CACNA1C: variants seen among roughly 807,000 people sequenced by gnomAD.
CACNA1C encodes the protein calcium voltage-gated channel subunit alpha1 C.
CACNA1C carries 30 observed loss-of-function variants against 229.0 expected under a neutral mutation model. The ratio of observed to expected loss-of-function variants is 0.13; its 90% CI spans 0.10 to 0.18. CACNA1C has a LOEUF of 0.18. Ranked by LOEUF, CACNA1C falls within the 10% of genes least tolerant of loss-of-function variation. The pLI, the probability that CACNA1C is intolerant of heterozygous loss-of-function variation, is 1.00. For synonymous variants in CACNA1C, 1,114 were observed against 1,132.5 expected (o/e 0.98, Z 0.33); for missense variants, 1,658 against 2,845.0 (o/e 0.58, Z 9.49).
Position 2,108,030 on chromosome 12 carries a change from A to T in CACNA1C, c.50-7194A>T, listed in dbSNP as rs1268067659. ...TTGTCAGACGTGCTAGCTACATTTC[A>T]GGTGCTCAGGAGCTGCGTATGACTG... is the stretch of plus-strand genomic sequence containing the variant. On this transcript the variant is annotated intron_variant, in intron 1 of 46. Transcript: ENST00000399655. The surrounding 1 kb of genome is among the most constrained non-coding windows in gnomAD (Gnocchi z 5.3). 6.6e-6 allele frequency among the ~76,000 whole-genome samples: 1 copy of T among 152,252 alleles called. No homozygotes were observed. The highest frequency in any genetic ancestry group is 1.5e-5 in the Non-Finnish European group (1 of 68,044).
intron 3 of CACNA1C, among the ~76,000 whole-genome samples, chr12:2,408,116 A>G (rs1432496672): frequency 1.3e-5 from 2 of 152,222 alleles, no homozygotes; most frequent in African/African-American, 4.8e-5. Flanking sequence ...TGAAAACATT[A>G]TGCTAAGTAA....
chr12:2,186,542 G>A (rs1191979358), intron 3 of CACNA1C, among the ~76,000 whole-genome samples: 1 of 152,158 alleles, frequency 6.6e-6, no homozygotes, highest in Non-Finnish European at 1.5e-5. Context: ...TAAAAACCCT[G>A]GGGGTCAGGG....
Position 2,141,164 on chromosome 12 carries a change from G to A in CACNA1C, c.477+20734G>A, listed in dbSNP as rs2094140598. Among the ~76,000 whole-genome samples, 2 of 151,096 alleles carry A rather than the reference G, an allele frequency of 1.3e-5. 1 individual carries two copies. Among genetic ancestry groups the A allele is most frequent in the Non-Finnish European group, 3.0e-5 (2 of 67,546 alleles). ...GGGGAGATGAAGGAGGATGTGAGTG[G>A]GGTTGGAGGGGCAGACAGGGGCTGA... On this transcript the variant is annotated intron_variant, in intron 3 of 46. Coordinates refer to ENST00000399655, the MANE Select transcript of CACNA1C (RefSeq NM_000719.7).
At chr12:2,057,491 T>C (rs2055565022) in intron 1 of CACNA1C, among the ~76,000 whole-genome samples, 1 of 152,168 alleles carries the variant, frequency 6.6e-6, no homozygotes. Flanking sequence ...GTTGGGGCTG[T>C]GCTGCTTCCA....
intron 3 of CACNA1C, among the ~76,000 whole-genome samples, chr12:2,397,036 G>C (rs112751297): frequency 2.2e-3 from 339 of 152,346 alleles, no homozygotes; most frequent in African/African-American, 7.5e-3. Context: ...TCACCAACCT[G>C]TTTTCATATC....
At chr12:2,644,870 A>C (rs902556835) in intron 30 of CACNA1C, among the ~76,000 whole-genome samples, 3 of 152,168 alleles carry the variant, frequency 2.0e-5, no homozygotes, top group Admixed American at 6.5e-5. Flanking sequence ...CTGCCAAAAC[A>C]AGGCAATCTG....
rs1241055248 is a variant in CACNA1C, at chr12:2,677,054, G to A, written c.4829-40G>A. On this transcript the variant is annotated intron_variant, in intron 39 of 46. Coordinates refer to ENST00000399655, the MANE Select transcript of CACNA1C (RefSeq NM_000719.7). This position sits in a 1 kb window ranked among gnomAD's most constrained non-coding sequence, Gnocchi z 7.4. ...GAATGAAGTTCAACTGAATTCCCCT[G>A]CTCCCCTCTTACCCCCTCTCCCCTC... 5 of 1,565,466 alleles carry A rather than the reference G, an allele frequency of 3.2e-6. No homozygotes were observed. Among genetic ancestry groups the A allele is most frequent in the Non-Finnish European group, 3.5e-6 (4 of 1,141,868 alleles).
Position 2,649,794 on chromosome 12 carries a change from CT to C in CACNA1C, c.3945+1295del, listed in dbSNP as rs1271148867. Among the ~76,000 whole-genome samples, 2 of 151,854 alleles carry C rather than the reference CT, an allele frequency of 1.3e-5. No individual in the cohort carries two copies. Among genetic ancestry groups the C allele is most frequent in the Non-Finnish European group, 2.9e-5 (2 of 67,990 alleles). ...CTAAAGTTCTCCACTTAAGCTTGTT[CT>C]TTTTTTTCTCCTTTCTCGAACACGG... On this transcript the variant is annotated intron_variant, in intron 31 of 46. Transcript: ENST00000399655. This position sits in a 1 kb window ranked among gnomAD's most constrained non-coding sequence, Gnocchi z 4.4.
In CACNA1C at chr12:2,521,838, A is replaced by G. The variant is rs114424559; in HGVS notation, c.1390+8854A>G. ...CAACCTGTGTAATGCAGCCAAGTTCATATTTCTGCAGCCGACTGTGTCACT... is the reference window on the plus strand; with the variant it reads ...CAACCTGTGTAATGCAGCCAAGTTCGTATTTCTGCAGCCGACTGTGTCACT... On this transcript the variant is annotated intron_variant, in intron 9 of 46. Coordinates refer to ENST00000399655, the MANE Select transcript of CACNA1C (RefSeq NM_000719.7). Among the ~76,000 whole-genome samples the G allele has an allele frequency of 5.0e-3, 754 of 152,236 alleles. 7 individuals are homozygous for G. The highest frequency in any genetic ancestry group is 0.016 in the African/African-American group (682 of 41,532).
At chr12:2,355,463 G>T (rs2097334447) in intron 3 of CACNA1C, among the ~76,000 whole-genome samples, 1 of 152,098 alleles carries the variant, frequency 6.6e-6, no homozygotes, top group Admixed American at 6.5e-5. Flanking sequence ...TAGCCTGCAG[G>T]TTATGCCAAG....
chr12:2,404,620 GA>G (rs1262238770), intron 3 of CACNA1C, among the ~76,000 whole-genome samples: 2 of 152,284 alleles, frequency 1.3e-5, no homozygotes, highest in East Asian at 3.9e-4. Flanking sequence ...TGCCCAGGCA[GA>G]AAGCGGCCAG....
chr12:2,050,371 A>G (rs1170935900), upstream of CACNA1C, among the ~76,000 whole-genome samples: 1 of 152,240 alleles, frequency 6.6e-6, no homozygotes, highest in Non-Finnish European at 1.5e-5. Context: ...AATCATGACG[A>G]TAACACATAG....
intron 3 of CACNA1C, among the ~76,000 whole-genome samples, chr12:2,212,284 A>G (rs917283950): frequency 6.6e-5 from 10 of 152,226 alleles, no homozygotes; most frequent in African/African-American, 2.4e-4. Context: ...GAGAGAACTC[A>G]AAGGTAAGTG....
intron 4 of CACNA1C, among the ~76,000 whole-genome samples, chr12:2,456,777 A>G (rs1159362894): frequency 6.6e-6 from 1 of 151,758 alleles, no homozygotes; most frequent in East Asian, 1.9e-4. Flanking sequence ...AGCACTCATC[A>G]CTCTAAGCTG....
intron 1 of CACNA1C, chr12:2,004,105 T>C: frequency 1.2e-6 from 1 of 857,982 alleles, no homozygotes; most frequent in Non-Finnish European, 1.8e-6. Flanking sequence ...AGATCCGCCT[T>C]CCTTCCCCCA....
chr12:2,145,855 A>G (rs2094653289), intron 3 of CACNA1C, among the ~76,000 whole-genome samples: 1 of 151,062 alleles, frequency 6.6e-6, no homozygotes, highest in Non-Finnish European at 1.5e-5. Flanking sequence ...TGCAGTGTAG[A>G]GGAAAATGCT....
At chr12:2,621,711 A>T (rs976371432) in intron 29 of CACNA1C, among the ~76,000 whole-genome samples, 7 of 152,042 alleles carry the variant, frequency 4.6e-5, no homozygotes, top group Non-Finnish European at 7.4e-5. Flanking sequence ...GGCGAATTGG[A>T]TGTGAGGGTG....
At position 2,160,627 on chromosome 12, in the gene CACNA1C, C is replaced by G. The variant is rs116817380; in HGVS notation, c.477+40197C>G. On this transcript the variant is annotated intron_variant, in intron 3 of 46. Transcript: ENST00000399655. The stretch of plus-strand genomic sequence containing the variant: ...ACCCATCATCACAGTAATTTCCAAC[C>G]TGGAGCTCCCACATGCTGGGATCTC... Among the ~76,000 whole-genome samples the G allele has an allele frequency of 4.5e-3, 684 of 152,284 alleles. 3 individuals are homozygous for G. Among genetic ancestry groups the G allele is most frequent in the African/African-American group, 0.015 (640 of 41,548 alleles).
chr12:2,524,393 C>T (rs1342393837), intron 9 of CACNA1C, among the ~76,000 whole-genome samples: 1 of 152,198 alleles, frequency 6.6e-6, no homozygotes, highest in African/African-American at 2.4e-5. Flanking sequence ...CAGTCATGAA[C>T]CAGGGGCTGG....
Sources: gnomAD v4.1 joint callset for allele counts (sites outside exome capture counted in the v4.1 genomes callset) on GRCh38, gnomAD v4.1.1 for gene constraint, Gnocchi (gnomAD v3.1) non-coding constraint, MANE v1.5 for transcripts, NCBI Gene and HGNC (gene_info 2026-07-23, HGNC 2026-07-21) for gene names.